Variants in NBEA observed in about 807,000 individuals in gnomAD.
NBEA encodes lysosomal-trafficking regulator 2.
In NBEA, 44 loss-of-function variants were observed where a neutral mutation model predicts 343.4. That is an observed-to-expected ratio of 0.13 (90% CI 0.10 to 0.16). The LOEUF is 0.16. Ranked by LOEUF, NBEA falls within the 10% of genes least tolerant of loss-of-function variation. The pLI is 1.00. For synonymous variants in NBEA, 1,175 were observed against 1,238.7 expected (o/e 0.95, Z 1.08); for missense variants, 2,555 against 3,631.3 (o/e 0.70, Z 7.62).
intron 1 of NBEA, among the ~76,000 whole-genome samples, chr13:34,945,901 A>C (rs188851532): frequency 6.6e-6 from 1 of 152,178 alleles, no homozygotes; most frequent in Non-Finnish European, 1.5e-5. Flanking sequence ...CTTCTTCAAC[A>C]GAGCGGTGGC....
intron 41 of NBEA, among the ~76,000 whole-genome samples, chr13:35,488,563 A>G (rs1411761865): frequency 6.6e-6 from 1 of 151,988 alleles, no homozygotes; most frequent in Non-Finnish European, 1.5e-5. Context: ...TTCAATGCAA[A>G]TAGATGTGCT....
At chr13:35,376,274 G>T (rs2041735324) in intron 38 of NBEA, among the ~76,000 whole-genome samples, 2 of 152,080 alleles carry the variant, frequency 1.3e-5, no homozygotes, top group African/African-American at 2.4e-5. Flanking sequence ...TTCCTTATTT[G>T]AATGTTTCAA....
chr13:35,665,802 A>G (rs1167292812), intron 56 of NBEA, among the ~76,000 whole-genome samples: 1 of 151,758 alleles, frequency 6.6e-6, no homozygotes, highest in Non-Finnish European at 1.5e-5. Flanking sequence ...AATTTTTTGT[A>G]TTTTCAGTAG....
intron 18 of NBEA, among the ~76,000 whole-genome samples, chr13:35,149,368 A>G (rs972969508): frequency 6.6e-6 from 1 of 152,182 alleles, no homozygotes; most frequent in Non-Finnish European, 1.5e-5. Context: ...TTCAGATCTT[A>G]TAACTACCCT....
chr13:35,117,438 A>G lies in NBEA; in HGVS notation c.2027A>G (p.Glu676Gly). ...GATGGTCCCCGGCCATCACAAAAAG[A>G]AATTATATCACTGAGGGCATTTATG... ...GLDGPRPSQK[E>G]IISLRAFMLL... Residue 676 changes from glutamate (E) to glycine (G), a missense_variant, in exon 14 of 59, where the codon GAA becomes GGA. Transcript: ENST00000379939. 1.4e-6 allele frequency: 2 copies of G among 1,381,718 alleles called. No individual in the cohort carries two copies. The highest frequency in any genetic ancestry group is 1.9e-6 in the Non-Finnish European group (2 of 1,055,532). 85.6% of individuals were successfully genotyped at this position (1,381,718 alleles called of 1,614,324 possible). A position where few individuals can be genotyped will look rare whatever the true frequency, so the allele number is the denominator to read the frequency against.
At chr13:35,131,900 G>A (rs966169794) in intron 17 of NBEA, among the ~76,000 whole-genome samples, 4 of 152,116 alleles carry the variant, frequency 2.6e-5, no homozygotes, top group African/African-American at 9.7e-5. Context: ...TGGAAGTAAA[G>A]AACGTAACTA....
intron 37 of NBEA, 111 bp from the exon 38 acceptor site, chr13:35,352,046 T>C: frequency 1.9e-6 from 1 of 531,498 alleles, no homozygotes; most frequent in Non-Finnish European, 2.9e-6. Context: ...GATTACATTA[T>C]TTGAGTTTTA....
chr13:35,598,479 G>A (rs1437816761), intron 47 of NBEA, among the ~76,000 whole-genome samples: 1 of 152,164 alleles, frequency 6.6e-6, no homozygotes, highest in Non-Finnish European at 1.5e-5. Flanking sequence ...GTTTGCAGCT[G>A]AGTATCTTTC....
chr13:35,416,186 A>C (rs2043896224), intron 38 of NBEA, among the ~76,000 whole-genome samples: 1 of 152,126 alleles, frequency 6.6e-6, no homozygotes. Flanking sequence ...GCAAACAGGG[A>C]CAATTTGACT....
chr13:35,571,367 A>C (rs2080411008), intron 45 of NBEA, among the ~76,000 whole-genome samples: 1 of 152,180 alleles, frequency 6.6e-6, no homozygotes, highest in Non-Finnish European at 1.5e-5. Context: ...TTGGGAGAAA[A>C]AGTCAAGAGG....
chr13:35,463,295 A>G (rs754120567), intron 40 of NBEA, among the ~76,000 whole-genome samples: 4 of 152,188 alleles, frequency 2.6e-5, no homozygotes, highest in Non-Finnish European at 5.9e-5. Flanking sequence ...AAGAAACTCT[A>G]TAGTTAAATA....
At chr13:35,457,541 G>A (rs2046651762) in intron 40 of NBEA, among the ~76,000 whole-genome samples, 1 of 152,112 alleles carries the variant, frequency 6.6e-6, no homozygotes, top group Non-Finnish European at 1.5e-5. Flanking sequence ...ATCATAGATA[G>A]ACTTTAGTGT....
intron 36 of NBEA, among the ~76,000 whole-genome samples, chr13:35,326,526 G>T (rs1279228658): frequency 6.6e-6 from 1 of 151,934 alleles, no homozygotes; most frequent in Non-Finnish European, 1.5e-5. Flanking sequence ...TTAGTTCCAG[G>T]AGCCTTTTGG....
intron 36 of NBEA, among the ~76,000 whole-genome samples, chr13:35,346,814 G>A (rs1003336701): frequency 1.3e-5 from 2 of 152,058 alleles, no homozygotes; most frequent in African/African-American, 4.8e-5. Context: ...ATCTTATCAA[G>A]GAGTGATTAA....
chr13:35,626,338 A>G (rs1351612886), intron 48 of NBEA, among the ~76,000 whole-genome samples: 2 of 152,206 alleles, frequency 1.3e-5, no homozygotes, highest in Non-Finnish European at 2.9e-5. Context: ...CACATTTTAA[A>G]AGCTCAAATT....
chr13:35,192,388 T>C (rs1381314742), intron 30 of NBEA, among the ~76,000 whole-genome samples: 2 of 152,042 alleles, frequency 1.3e-5, no homozygotes, highest in South Asian at 2.1e-4. Context: ...TTATTGCTAT[T>C]ATAAAATATC....
chr13:35,321,429 G>C (rs2038132759), intron 36 of NBEA, among the ~76,000 whole-genome samples: 1 of 152,168 alleles, frequency 6.6e-6, no homozygotes, highest in Admixed American at 6.5e-5. Flanking sequence ...AGAGGCTGCA[G>C]AACAGCAAAG....
chr13:35,152,610 A>G (rs564554648), intron 18 of NBEA, among the ~76,000 whole-genome samples: 1 of 152,356 alleles, frequency 6.6e-6, no homozygotes, highest in South Asian at 2.1e-4. Context: ...TGAATTGCAA[A>G]ATAATTCCAT....
chr13:35,128,322 A>G (rs2067236674), intron 17 of NBEA, among the ~76,000 whole-genome samples: 2 of 152,196 alleles, frequency 1.3e-5, no homozygotes, highest in Admixed American at 1.3e-4. Context: ...ACCATTAGAT[A>G]AAGAAGAATT....
Sources: allele counts gnomAD v4.1 joint callset (sites outside exome capture counted in the v4.1 genomes callset), GRCh38; gene constraint gnomAD v4.1.1; transcripts MANE v1.5; gene names NCBI Gene and HGNC (gene_info 2026-07-23, HGNC 2026-07-21).